FMO3: variants seen among roughly 807,000 people sequenced by gnomAD.
FMO3 encodes flavin containing dimethylaniline monoxygenase 3, also known as flavin-containing monooxygenase 3.
In FMO3, 40 loss-of-function variants were observed where a neutral mutation model predicts 39.4. The ratio of observed to expected loss-of-function variants is 1.02; its 90% CI spans 0.79 to 1.32. The LOEUF is 1.32. Ranked by LOEUF, FMO3 falls within the 40% of genes most tolerant of loss-of-function variation. The pLI, the probability that FMO3 is intolerant of heterozygous loss-of-function variation, is 0.00. For synonymous variants in FMO3, 219 were observed against 228.8 expected (o/e 0.96, Z 0.39); for missense variants, 680 against 651.8 (o/e 1.04, Z -0.47).
At position 171,092,793 on chromosome 1, in the gene FMO3, G is replaced by GGAA; in HGVS notation, c.132+3_132+4insGAA. The stretch of plus-strand genomic sequence containing the variant: ...TTGGGGGCCTGTGGAAATTTTCAGT[G>GGAA]AGTAGCATGTTGTTGTAATAGACAG... On this transcript the variant is annotated splice_donor_region_variant and intron_variant, in intron 2 of 8. Transcript: ENST00000367755. 6.2e-7 allele frequency: 1 copy of GGAA among 1,613,768 alleles called. No homozygotes were observed. Among genetic ancestry groups the GGAA allele is most frequent in the Non-Finnish European group, 8.5e-7 (1 of 1,179,896 alleles).
intron 2 of FMO3, among the ~76,000 whole-genome samples, chr1:171,095,587 G>A (rs1181972980): frequency 1.3e-5 from 2 of 150,714 alleles, no homozygotes; most frequent in African/African-American, 4.9e-5. Flanking sequence ...TGAAAAGGTT[G>A]TATTTAATGA....
At chr1:171,103,273 T>C (rs889368420) in intron 2 of FMO3, among the ~76,000 whole-genome samples, 2 of 152,316 alleles carry the variant, frequency 1.3e-5, no homozygotes, top group African/African-American at 4.8e-5. Flanking sequence ...TCTTAAAAGA[T>C]ATTAAGAAAG....
chr1:171,095,511 T>C (rs1438598008), intron 2 of FMO3, among the ~76,000 whole-genome samples: 2 of 151,722 alleles, frequency 1.3e-5, no homozygotes, highest in African/African-American at 4.8e-5. Flanking sequence ...TTAGGAAGAT[T>C]AATGACCCTT....
At chr1:171,108,313 G>A in intron 5 of FMO3, 92 bp downstream of exon 5, 1 of 1,464,862 alleles carries the variant, frequency 6.8e-7, no homozygotes, top group Non-Finnish European at 9.5e-7. Flanking sequence ...GGGGAGGAGG[G>A]AAGGGTATCT....
At chr1:171,111,769 T>C (rs1002649845) in intron 6 of FMO3, among the ~76,000 whole-genome samples, 2 of 152,182 alleles carry the variant, frequency 1.3e-5, no homozygotes, top group Non-Finnish European at 2.9e-5. Flanking sequence ...TTATTACACG[T>C]TTATTATATG....
At chr1:171,109,016 A>G (rs1655777746) in intron 5 of FMO3, among the ~76,000 whole-genome samples, 2 of 152,176 alleles carry the variant, frequency 1.3e-5, no homozygotes, top group South Asian at 4.1e-4. Context: ...TTACTATTGT[A>G]GGTTATAGTT....
chr1:171,095,311 C>T (rs909113271), intron 2 of FMO3, among the ~76,000 whole-genome samples: 7 of 152,070 alleles, frequency 4.6e-5, no homozygotes, highest in African/African-American at 1.2e-4. Context: ...CCCTTTGTCC[C>T]GTGCATATGT....
At position 171,117,189 on chromosome 1, in the gene FMO3, G is replaced by T; in HGVS notation, c.1346G>T (p.Trp449Leu). 1 of 1,614,098 alleles carries T rather than the reference G, an allele frequency of 6.2e-7. No homozygotes were observed. Among genetic ancestry groups the T allele is most frequent in the Non-Finnish European group, 8.5e-7 (1 of 1,179,974 alleles). The part of the protein sequence containing the change: ...SFIGAKPNIP[W>L]LFLTDPKLAM... The stretch of plus-strand genomic sequence containing the variant: ...ATTGGGGCAAAGCCCAACATCCCAT[G>T]GCTGTTTCTCACAGATCCCAAATTG... The change falls in exon 9 of 9, where the codon TGG becomes TTG. Residue 449 changes from tryptophan (W) to leucine (L), a missense_variant. Transcript: ENST00000367755.
intron 2 of FMO3, among the ~76,000 whole-genome samples, chr1:171,098,924 G>A (rs1655228430): frequency 6.6e-6 from 1 of 151,988 alleles, no homozygotes. Context: ...ATTGGCTGTG[G>A]GTTTGTCATA....
At chr1:171,091,352 A>G (rs994799230) in intron 1 of FMO3, among the ~76,000 whole-genome samples, 1 of 152,172 alleles carries the variant, frequency 6.6e-6, no homozygotes, top group Non-Finnish European at 1.5e-5. Context: ...GATATAATTC[A>G]GGCAGTTTGT....
intron 5 of FMO3, 87 bp from the exon 6 acceptor site, chr1:171,110,711 C>A: frequency 8.3e-7 from 1 of 1,203,582 alleles, no homozygotes; most frequent in Non-Finnish European, 1.2e-6. Context: ...GGTAATAGAT[C>A]CATTCCTCAA....
intron 2 of FMO3, 61 bp from the exon 3 acceptor site, chr1:171,103,724 C>T: frequency 7.1e-7 from 1 of 1,401,262 alleles, no homozygotes; most frequent in Admixed American, 1.7e-5. Context: ...GGAACCAGCC[C>T]TGACCATGAT....
At chr1:171,101,751 C>A in intron 2 of FMO3, 2 of 517,490 alleles carry the variant, frequency 3.9e-6, no homozygotes, top group East Asian at 5.5e-5. Flanking sequence ...CCCAGATCTG[C>A]GGCCTAATCA....
At chr1:171,105,150 A>G (rs1386601116) in intron 3 of FMO3, among the ~76,000 whole-genome samples, 1 of 152,218 alleles carries the variant, frequency 6.6e-6, no homozygotes, top group African/African-American at 2.4e-5. Context: ...TGACCTAGAA[A>G]TTAAAAATCT....
At chr1:171,093,330 T>C (rs1028216636) in intron 2 of FMO3, among the ~76,000 whole-genome samples, 1 of 152,138 alleles carries the variant, frequency 6.6e-6, no homozygotes, top group African/African-American at 2.4e-5. Flanking sequence ...TCTATGTCAA[T>C]GTGTATACAT....
intron 1 of FMO3, among the ~76,000 whole-genome samples, chr1:171,091,611 G>C (rs964870514): frequency 6.6e-6 from 1 of 150,430 alleles, no homozygotes; most frequent in African/African-American, 2.5e-5. Context: ...CCCCCGGAGA[G>C]AAGGTCTCAC....
In FMO3 at chr1:171,114,124, T is replaced by C; in HGVS notation, c.945T>C (p.Asp315=). Residue 315 remains aspartate, a synonymous_variant, in exon 7 of 9, where the codon GAT becomes GAC. Coordinates refer to ENST00000367755, the MANE Select transcript of FMO3 (RefSeq NM_001002294.3). ...EFTETSAIFE[D]GTIFEGIDCV... is the part of the protein sequence containing the mutation. ...CAGAGACCTCGGCCATTTTTGAGGA[T>C]GGGACCATATTTGAGGGCATTGACT... 1 of 1,614,022 alleles carries C rather than the reference T, an allele frequency of 6.2e-7. No individual in the cohort carries two copies. The highest frequency in any genetic ancestry group is 8.5e-7 in the Non-Finnish European group (1 of 1,179,928).
In FMO3 at chr1:171,117,258, G is replaced by A. The variant is rs1656201098; in HGVS notation, c.1415G>A (p.Arg472Lys). The A allele has an allele frequency of 6.2e-7, 1 of 1,614,036 alleles. No individual in the cohort carries two copies. The highest frequency in any genetic ancestry group is 1.3e-5 in the African/African-American group (1 of 74,936). Residue 472 changes from arginine to lysine, a missense_variant, in exon 9 of 9, where the codon AGG (arginine) becomes AAG (lysine). By Grantham distance (26) the Arg-to-Lys change is conservative (BLOSUM62 2). Transcript: ENST00000367755. The stretch of plus-strand genomic sequence containing the variant: ...GGCCCTTGTAGTCCCTACCAGTTTA[G>A]GCTGGTGGGCCCAGGGCAGTGGCCA... ...YFGPCSPYQF[R>K]LVGPGQWPGA...
chr1:171,111,216 C>T (rs377065737), intron 6 of FMO3, among the ~76,000 whole-genome samples: 8 of 152,052 alleles, frequency 5.3e-5, no homozygotes, highest in Non-Finnish European at 1.0e-4. Flanking sequence ...GAATTAGTCC[C>T]GGGAGTAATG....
Sources: gnomAD v4.1 joint callset for allele counts (sites outside exome capture counted in the v4.1 genomes callset) on GRCh38, gnomAD v4.1.1 for gene constraint, MANE v1.5 for transcripts, NCBI Gene and HGNC (gene_info 2026-07-23, HGNC 2026-07-21) for gene names.